KIF26B: variants seen among roughly 807,000 people sequenced by gnomAD.
The protein encoded by KIF26B is kinesin family member 26B, also known as kinesin-like protein KIF26B.
KIF26B carries 63 observed loss-of-function variants against 151.2 expected under a neutral mutation model. The ratio of observed to expected loss-of-function variants is 0.42; its 90% CI spans 0.34 to 0.51. The LOEUF (loss-of-function observed/expected upper bound fraction) is 0.51, where lower values mean the gene tolerates loss of function less well. Among genes scored for constraint, KIF26B ranks in the 20% least tolerant of loss-of-function variants. The pLI is 0.07. For missense variants in KIF26B, 2,813 were observed against 2,913.6 expected (o/e 0.97, Z 0.79); for synonymous variants, 1,357 against 1,262.1 (o/e 1.08, Z -1.59).
At chr1:245,225,261 G>C (rs1669850512) in intron 2 of KIF26B, among the ~76,000 whole-genome samples, 1 of 152,236 alleles carries the variant, frequency 6.6e-6, no homozygotes, top group South Asian at 2.1e-4. Context: ...TGAAGGGCCA[G>C]TTAAAGCGCT....
chr1:245,298,840 A>G (rs1001050819), intron 2 of KIF26B, among the ~76,000 whole-genome samples: 5 of 152,222 alleles, frequency 3.3e-5, no homozygotes, highest in South Asian at 2.1e-4. Context: ...TCCGCTGCCC[A>G]TGATCCGCGA....
At chr1:245,684,444 G>A in intron 11 of KIF26B, 49 bp downstream of exon 11, 1 of 1,518,484 alleles carries the variant, frequency 6.6e-7, no homozygotes, top group Non-Finnish European at 8.9e-7. Context: ...AGCCTTTGGA[G>A]CCGTGCCCTG....
chr1:245,621,712 G>A (rs745827207), intron 9 of KIF26B, among the ~76,000 whole-genome samples: 7 of 152,150 alleles, frequency 4.6e-5, no homozygotes, highest in Admixed American at 6.5e-5. Flanking sequence ...CTCCCCAGCC[G>A]CCGGAAGTGA....
intron 4 of KIF26B, among the ~76,000 whole-genome samples, chr1:245,526,034 T>C (rs1355232763): frequency 6.6e-6 from 1 of 152,190 alleles, no homozygotes; most frequent in African/African-American, 2.4e-5. Flanking sequence ...ACAAATAACA[T>C]GTCCATTAAA....
At position 245,682,354 on chromosome 1, in the gene KIF26B, T is replaced by C. The variant is rs72764840; in HGVS notation, c.2259-1879T>C. On this transcript the variant is annotated intron_variant, in intron 10 of 14. Transcript: ENST00000407071. ...AATGGCCCAGTATTTACAAATTCAGTGTTCACAAATATTTTATAGAACACA... is the reference window on the plus strand; with the variant it reads ...AATGGCCCAGTATTTACAAATTCAGCGTTCACAAATATTTTATAGAACACA... 9.0e-3 allele frequency among the ~76,000 whole-genome samples: 1,335 copies of C among 149,090 alleles called. 25 individuals are homozygous for C. Among genetic ancestry groups the C allele is most frequent in the African/African-American group, 0.026 (1,037 of 39,152 alleles).
intron 4 of KIF26B, among the ~76,000 whole-genome samples, chr1:245,519,849 T>C (rs924164752): frequency 8.5e-5 from 13 of 152,168 alleles, no homozygotes; most frequent in African/African-American, 2.9e-4. Context: ...CACCAGTATA[T>C]ATGTGGTTCG....
At chr1:245,206,524 C>G (rs1478407925) in intron 2 of KIF26B, 1 of 152,312 alleles carries the variant, frequency 6.6e-6, no homozygotes, top group East Asian at 1.9e-4. Context: ...TGTGGAGTAG[C>G]CTAAGACACA....
intron 10 of KIF26B, among the ~76,000 whole-genome samples, chr1:245,680,629 T>C (rs1358420212): frequency 6.6e-6 from 1 of 152,200 alleles, no homozygotes; most frequent in East Asian, 1.9e-4. Context: ...GGATCTGCCG[T>C]CAGCTGTGTG....
At chr1:245,209,622 T>A (rs1669474182) in intron 2 of KIF26B, among the ~76,000 whole-genome samples, 1 of 152,162 alleles carries the variant, frequency 6.6e-6, no homozygotes, top group South Asian at 2.1e-4. Flanking sequence ...AAGGCTGGCC[T>A]GGAGCATGAG....
chr1:245,582,666 T>C (rs552598847), intron 5 of KIF26B, among the ~76,000 whole-genome samples: 98 of 152,288 alleles, frequency 6.4e-4, no homozygotes, highest in Middle Eastern at 3.4e-3. Flanking sequence ...AGGCAGACAA[T>C]TGTGGTAGAA....
intron 2 of KIF26B, among the ~76,000 whole-genome samples, chr1:245,344,451 C>T (rs902640634): frequency 3.4e-5 from 5 of 145,216 alleles, no homozygotes; most frequent in African/African-American, 1.3e-4. Context: ...GCCGAGATCG[C>T]GCCACTGCAC....
At chr1:245,562,128 C>T (rs2042961921) in intron 5 of KIF26B, among the ~76,000 whole-genome samples, 2 of 152,112 alleles carry the variant, frequency 1.3e-5, no homozygotes, top group African/African-American at 2.4e-5. Context: ...GGTGCTCAGA[C>T]TTAAAGCACT....
intron 2 of KIF26B, among the ~76,000 whole-genome samples, chr1:245,299,200 C>T (rs1671385945): frequency 6.6e-6 from 1 of 152,104 alleles, no homozygotes; most frequent in African/African-American, 2.4e-5. Flanking sequence ...GCGTTGGTGC[C>T]AGCCTTTACT....
At chr1:245,304,601 T>C (rs1671501131) in intron 2 of KIF26B, among the ~76,000 whole-genome samples, 1 of 152,162 alleles carries the variant, frequency 6.6e-6, no homozygotes. Flanking sequence ...TAAAAAAAAT[T>C]CAGATGTAGC....
intron 2 of KIF26B, among the ~76,000 whole-genome samples, chr1:245,306,657 C>A (rs11578205): frequency 6.6e-6 from 1 of 152,134 alleles, no homozygotes; most frequent in Admixed American, 6.5e-5. Context: ...CCCCACCCCC[C>A]ACCATCTATA....
At chr1:245,204,613 A>G (rs1669364408) in intron 2 of KIF26B, among the ~76,000 whole-genome samples, 1 of 152,136 alleles carries the variant, frequency 6.6e-6, no homozygotes, top group African/African-American at 2.4e-5. Flanking sequence ...ACCTCAGGTG[A>G]TCCACCTGCC....
chr1:245,657,870 C>T (rs1368969892), intron 10 of KIF26B, among the ~76,000 whole-genome samples: 1 of 152,150 alleles, frequency 6.6e-6, no homozygotes, highest in East Asian at 1.9e-4. Flanking sequence ...GATGTAGAAA[C>T]ACACCTACTC....
At position 245,457,181 on chromosome 1, in the gene KIF26B, A is replaced by ATTT. The variant is rs1323373909; in HGVS notation, c.1166+37436_1166+37437insTTT. ...GCACCCAGCCCATAAATGCTTTTTT[A>ATTT]ATGAGAGAATGACCTATTATCTAAA... On this transcript the variant is annotated intron_variant, in intron 4 of 14. Coordinates refer to ENST00000407071, the MANE Select transcript of KIF26B (RefSeq NM_018012.4). 5.8e-4 allele frequency among the ~76,000 whole-genome samples: 89 copies of ATTT among 152,312 alleles called. 1 individual carries two copies. The East Asian group carries it at 7.5e-3, about 13-fold the overall frequency.
At chr1:245,627,069 C>G (rs1013603554) in intron 9 of KIF26B, among the ~76,000 whole-genome samples, 1 of 152,120 alleles carries the variant, frequency 6.6e-6, no homozygotes, top group Non-Finnish European at 1.5e-5. Flanking sequence ...TGTAGGTTCT[C>G]TATTGTGTCC....
Sources: gnomAD v4.1 joint callset for allele counts (sites outside exome capture counted in the v4.1 genomes callset) on GRCh38, gnomAD v4.1.1 for gene constraint, MANE v1.5 for transcripts, NCBI Gene and HGNC (gene_info 2026-07-23, HGNC 2026-07-21) for gene names.